DLGAP2: variants seen among roughly 807,000 people sequenced by gnomAD.
DLGAP2 encodes the protein disks large-associated protein 2.
DLGAP2 carries 26 observed loss-of-function variants against 100.3 expected under a neutral mutation model. That is an observed-to-expected ratio of 0.26 (90% CI 0.19 to 0.36). DLGAP2 has a LOEUF of 0.36. DLGAP2 is among the 10% of genes least tolerant of loss of function. The pLI is 1.00. For missense variants in DLGAP2, 1,858 were observed against 1,453.2 expected (o/e 1.28, Z -4.53); for synonymous variants, 886 against 630.1 (o/e 1.41, Z -6.08).
chr8:758,435 T>A (rs1482625816), intron 1 of DLGAP2, among the ~76,000 whole-genome samples: 1 of 152,152 alleles, frequency 6.6e-6, no homozygotes, highest in African/African-American at 2.4e-5. Context: ...AAAGTAACAT[T>A]TGCGTATAGT....
chr8:738,181 C>T (rs1300511338), intron 1 of DLGAP2: 1 of 171,006 alleles, frequency 5.8e-6, no homozygotes, highest in Non-Finnish European at 1.2e-5. Context: ...GGTGCCGGCG[C>T]GCCAGGGGCT....
At chr8:916,073 CCCGT>C (rs1798587064) in intron 2 of DLGAP2, among the ~76,000 whole-genome samples, 1 of 151,984 alleles carries the variant, frequency 6.6e-6, no homozygotes. Flanking sequence ...CGTCAGTTCA[CCCGT>C]CCGTCCATCT....
At chr8:934,358 G>A (rs933493020) in intron 2 of DLGAP2, among the ~76,000 whole-genome samples, 1 of 151,554 alleles carries the variant, frequency 6.6e-6, no homozygotes, top group African/African-American at 2.4e-5. Context: ...GGGCACGAGG[G>A]GAGGGTGAGG....
chr8:969,443 G>T (rs1351639240), intron 2 of DLGAP2, among the ~76,000 whole-genome samples: 1 of 151,736 alleles, frequency 6.6e-6, no homozygotes, highest in Non-Finnish European at 1.5e-5. Context: ...ACACAAACCA[G>T]TGCAGGTTTG....
intron 2 of DLGAP2, among the ~76,000 whole-genome samples, chr8:1,223,421 T>C (rs953811843): frequency 2.6e-5 from 4 of 152,094 alleles, no homozygotes; most frequent in African/African-American, 9.7e-5. Context: ...CTGTTCAGGG[T>C]GGGGAGAAGA....
chr8:1,091,946 G>A (rs1804197512), intron 2 of DLGAP2, among the ~76,000 whole-genome samples: 1 of 152,120 alleles, frequency 6.6e-6, no homozygotes, highest in African/African-American at 2.4e-5. Context: ...GCCTCTGGGA[G>A]TTCCATGTCG....
intron 6 of DLGAP2, among the ~76,000 whole-genome samples, chr8:1,593,947 T>C (rs569467241): frequency 1.3e-5 from 2 of 152,312 alleles, no homozygotes; most frequent in Non-Finnish European, 2.9e-5. Context: ...TTCCAAGCCT[T>C]CCAGTCTTGG....
chr8:988,342 A>G (rs548804042), intron 2 of DLGAP2, among the ~76,000 whole-genome samples: 1 of 152,280 alleles, frequency 6.6e-6, no homozygotes, highest in East Asian at 1.9e-4. Flanking sequence ...GAAGCCCTGT[A>G]AGTCTCTTGG....
In DLGAP2 at chr8:1,353,630, G is replaced by A. The variant is rs565858435; in HGVS notation, c.106+94747G>A. On this transcript the variant is annotated intron_variant, in intron 3 of 14. Transcript: ENST00000637795. ...GACATAACCCCATTATAAGGTGAGG[G>A]GTATTTGTACTATGATAAAAATAGA... Among the ~76,000 whole-genome samples the A allele has an allele frequency of 2.6e-5, 4 of 152,192 alleles. No homozygotes were observed. In the East Asian group the frequency reaches 7.7e-4, roughly 29 times the overall value.
rs564133263 is a variant in DLGAP2 at position 1,641,137 on chromosome 8, A to C, written c.1810+8091A>C. 9.7e-4 allele frequency among the ~76,000 whole-genome samples: 148 copies of C among 152,270 alleles called. 1 individual carries two copies. Among genetic ancestry groups the C allele is most frequent in the African/African-American group, 3.3e-3 (137 of 41,552 alleles). On this transcript the variant is annotated intron_variant, in intron 8 of 14. Transcript: ENST00000637795. Reference sequence around the variant, plus strand: ...AGAAGGAGTGGAACCAGCTCCCAGTAAGGGTTTCCAAAGGTTAAATACTTG... The same window carrying C: ...AGAAGGAGTGGAACCAGCTCCCAGTCAGGGTTTCCAAAGGTTAAATACTTG...
chr8:1,006,187 T>C (rs1395225846), intron 2 of DLGAP2, among the ~76,000 whole-genome samples: 5 of 151,992 alleles, frequency 3.3e-5, no homozygotes, highest in Non-Finnish European at 7.4e-5. Flanking sequence ...AGACACCATC[T>C]CAAAAAGAAA....
chr8:1,120,079 C>G (rs1795999531), intron 2 of DLGAP2, among the ~76,000 whole-genome samples: 1 of 152,200 alleles, frequency 6.6e-6, no homozygotes, highest in Non-Finnish European at 1.5e-5. Context: ...CCTACTACAT[C>G]TTAGCTAAGT....
intron 6 of DLGAP2, among the ~76,000 whole-genome samples, chr8:1,613,272 C>T (rs1797038276): frequency 1.4e-5 from 2 of 145,682 alleles, no homozygotes; most frequent in African/African-American, 5.1e-5. Flanking sequence ...AATCATCATT[C>T]TCAGTAAACT....
At chr8:1,636,477 T>A (rs1450468526) in intron 8 of DLGAP2, among the ~76,000 whole-genome samples, 2 of 152,244 alleles carry the variant, frequency 1.3e-5, no homozygotes, top group African/African-American at 2.4e-5. Context: ...TTTCAGTACC[T>A]TGAATATAAG....
At chr8:1,381,782 A>AGTGTGTGTGTGTGTGT (rs72529197) in intron 3 of DLGAP2, among the ~76,000 whole-genome samples, 20 of 141,692 alleles carry the variant, frequency 1.4e-4, no homozygotes, top group Admixed American at 9.1e-4. Context: ...GGGTTATTCT[A>AGTGTGTGTGTGTGTGT]GTGTGTGTGT....
At chr8:945,067 GT>G (rs2129006147) in intron 2 of DLGAP2, among the ~76,000 whole-genome samples, 1 of 152,332 alleles carries the variant, frequency 6.6e-6, no homozygotes, top group Non-Finnish European at 1.5e-5. Context: ...CCCAATTTCT[GT>G]TCTGTTCAGT....
chr8:1,108,159 A>G (rs1249638367), intron 2 of DLGAP2, among the ~76,000 whole-genome samples: 1 of 152,056 alleles, frequency 6.6e-6, no homozygotes, highest in Non-Finnish European at 1.5e-5. Context: ...GGTAAGAAGA[A>G]AGGATAGGAA....
chr8:752,736 C>A (rs576739787), intron 1 of DLGAP2, among the ~76,000 whole-genome samples: 2 of 152,082 alleles, frequency 1.3e-5, no homozygotes, highest in Admixed American at 1.3e-4. Flanking sequence ...CAGGCTGTGC[C>A]CTTGAGGGAT....
intron 3 of DLGAP2, among the ~76,000 whole-genome samples, chr8:1,499,886 C>G (rs1439699039): frequency 6.8e-6 from 1 of 146,426 alleles, no homozygotes; most frequent in Non-Finnish European, 1.5e-5. Context: ...TTTGTTGAAT[C>G]AGAGATGGTG....
Sources: allele counts gnomAD v4.1 joint callset (sites outside exome capture counted in the v4.1 genomes callset), GRCh38; gene constraint gnomAD v4.1.1; transcripts MANE v1.5; gene names NCBI Gene and HGNC (gene_info 2026-07-23, HGNC 2026-07-21).